Variants in RELN observed in about 807,000 individuals in gnomAD.
The protein encoded by RELN is reelin.
RELN carries 108 observed loss-of-function variants against 427.6 expected under a neutral mutation model. The observed-to-expected ratio is 0.25, with a 90% CI of 0.22 to 0.30. The LOEUF (loss-of-function observed/expected upper bound fraction) is 0.30. RELN is among the 10% of genes least tolerant of loss of function. The pLI is 1.00. For synonymous variants in RELN, 1,524 were observed against 1,513.4 expected, an observed-to-expected ratio of 1.01 and a Z score of -0.16; for missense variants, 3,715 against 4,302.8, an observed-to-expected ratio of 0.86 and a Z score of 3.82.
intron 53 of RELN, among the ~76,000 whole-genome samples, chr7:103,500,149 A>C (rs919646213): frequency 2.0e-5 from 3 of 152,198 alleles, no homozygotes; most frequent in African/African-American, 7.2e-5. Flanking sequence ...TTATTCACAG[A>C]AATAGAGTGC....
At position 103,611,819 on chromosome 7, in the gene RELN, A is replaced by G. The variant is rs763726020; in HGVS notation, c.2703-16T>C. On this transcript the variant is annotated splice_polypyrimidine_tract_variant and intron_variant, in intron 20 of 64. Transcript: ENST00000428762. ...TCCTGTAAAACTGAAAGAGACAGAGATGGAAATCAGAAAATTCTAAACACA... is the reference window on the plus strand; with the variant it reads ...TCCTGTAAAACTGAAAGAGACAGAGGTGGAAATCAGAAAATTCTAAACACA... The G allele has an allele frequency of 8.7e-6, 14 of 1,605,222 alleles. No individual in the cohort carries two copies. In the East Asian group the frequency reaches 2.9e-4, roughly 33 times the overall value.
At chr7:103,647,551 G>A (rs1832822783) in intron 16 of RELN, among the ~76,000 whole-genome samples, 1 of 147,090 alleles carries the variant, frequency 6.8e-6, no homozygotes, top group Non-Finnish European at 1.5e-5. Flanking sequence ...AAAAAAAACT[G>A]TAGGACAAAA....
intron 63 of RELN, among the ~76,000 whole-genome samples, chr7:103,479,027 T>A (rs1828136119): frequency 6.6e-6 from 1 of 152,204 alleles, no homozygotes; most frequent in African/African-American, 2.4e-5. Context: ...GTAAATGTGG[T>A]ATTAATTCAC....
intron 2 of RELN, among the ~76,000 whole-genome samples, chr7:103,857,542 C>T (rs1472432307): frequency 6.6e-6 from 1 of 152,228 alleles, no homozygotes; most frequent in Non-Finnish European, 1.5e-5. Flanking sequence ...ACGTAAGGGC[C>T]TGCCCAGAGA....
At chr7:103,522,826 C>A (rs371471574) in intron 47 of RELN, among the ~76,000 whole-genome samples, 1 of 56,838 alleles carries the variant, frequency 1.8e-5, no homozygotes, top group African/African-American at 3.8e-5. Flanking sequence ...CATAATCTCA[C>A]ACAGACACAC....
At chr7:103,980,322 G>A (rs1796965469) in intron 1 of RELN, among the ~76,000 whole-genome samples, 1 of 152,080 alleles carries the variant, frequency 6.6e-6, no homozygotes, top group Non-Finnish European at 1.5e-5. Context: ...ATTGCTTTGT[G>A]CTTTACCTGG....
At chr7:103,632,923 T>C (rs1832503101) in intron 19 of RELN, among the ~76,000 whole-genome samples, 1 of 152,102 alleles carries the variant, frequency 6.6e-6, no homozygotes, top group Non-Finnish European at 1.5e-5. Context: ...TTCATAGTAA[T>C]TTTAGAGTAA....
chr7:103,520,718 T>C (rs1305227987), intron 48 of RELN, among the ~76,000 whole-genome samples: 1 of 152,236 alleles, frequency 6.6e-6, no homozygotes, highest in Non-Finnish European at 1.5e-5. Context: ...TTAATGTTGA[T>C]ATACGGATTT....
intron 2 of RELN, among the ~76,000 whole-genome samples, chr7:103,887,850 T>C (rs1584334291): frequency 1.3e-5 from 2 of 152,044 alleles, no homozygotes; most frequent in African/African-American, 4.8e-5. Flanking sequence ...TCCATTTCCT[T>C]CCCTTTGACA....
intron 2 of RELN, among the ~76,000 whole-genome samples, chr7:103,864,895 C>A (rs1794158031): frequency 6.6e-6 from 1 of 151,574 alleles, no homozygotes; most frequent in South Asian, 2.1e-4. Flanking sequence ...CGGTAAGAGA[C>A]TATTATGAAC....
At position 103,496,746 on chromosome 7, in the gene RELN, A is replaced by G. The variant is rs375502019; in HGVS notation, c.8973T>C (p.His2991=). 15 of 1,611,196 alleles carry G rather than the reference A, an allele frequency of 9.3e-6. No homozygotes were observed. The highest frequency in any genetic ancestry group is 1.2e-5 in the Non-Finnish European group (14 of 1,177,464). ...AAATGTATTTCTGGTAATCCATCTC[A>G]TGGAGCAAAGTCCAGGTAATTCCTA... ...TDGGITWTLL[H]EMDYQKYISV... The change falls in exon 56 of 65, where the codon CAT becomes CAC. Residue 2991 remains histidine, a synonymous_variant. Transcript: ENST00000428762.
chr7:103,963,671 T>C (rs1461699230), intron 1 of RELN, among the ~76,000 whole-genome samples: 4 of 152,190 alleles, frequency 2.6e-5, no homozygotes, highest in African/African-American at 9.6e-5. Context: ...TGCACAGGTG[T>C]TAAATCATTC....
rs1398386443 is a variant in RELN, at chr7:103,500,670, G to A, written c.8667+75C>T. The A allele has an allele frequency of 4.8e-6, 7 of 1,444,164 alleles. No individual in the cohort carries two copies. The African/African-American group carries it at 8.4e-5, about 17-fold the overall frequency. 89.5% of individuals were successfully genotyped at this position (1,444,164 alleles called of 1,614,324 possible). ...CCCAAAGGACATTGTTATAGATTAT[G>A]TCTCATACATAAGTTGGTTCCTAGG... On this transcript the variant is annotated intron_variant, in intron 53 of 64. Transcript: ENST00000428762.
chr7:103,834,431 G>C lies in RELN; in HGVS notation c.338-759C>G, dbSNP rs180796966. On this transcript the variant is annotated intron_variant, in intron 2 of 64. Coordinates refer to ENST00000428762, the MANE Select transcript of RELN (RefSeq NM_005045.4). ...AACATCACAGTTGTAAAGTGGTCTT[G>C]TCTAATGTTGATGTTCTGTGACTTG... 3.1e-4 allele frequency among the ~76,000 whole-genome samples: 47 copies of C among 152,272 alleles called. 1 individual carries two copies. The highest frequency in any genetic ancestry group is 1.1e-3 in the African/African-American group (44 of 41,542).
chr7:103,689,710 A>G (rs1454298930), intron 10 of RELN, among the ~76,000 whole-genome samples: 1 of 152,116 alleles, frequency 6.6e-6, no homozygotes, highest in Non-Finnish European at 1.5e-5. Context: ...AAATAAAAAC[A>G]AAAAGCCCTG....
intron 1 of RELN, among the ~76,000 whole-genome samples, chr7:103,919,529 T>C (rs562883909): frequency 6.6e-6 from 1 of 152,280 alleles, no homozygotes; most frequent in South Asian, 2.1e-4. Context: ...AAGTTTCCTG[T>C]GACATCGGCC....
chr7:103,989,607 C>A lies in RELN; in HGVS notation c.-251G>T, dbSNP rs1216529773. The A allele has an allele frequency of 2.7e-6, 1 of 367,412 alleles. No individual in the cohort carries two copies. The highest frequency in any genetic ancestry group is 4.8e-5 in the Admixed American group (1 of 20,656). The allele number at this position is 367,412 out of a possible 1,614,324, so 22.8% of individuals were successfully genotyped here. On this transcript the variant is annotated 5_prime_UTR_variant, in exon 1 of 65. Coordinates refer to ENST00000428762, the MANE Select transcript of RELN (RefSeq NM_005045.4). This position sits in a 1 kb window ranked among gnomAD's most constrained non-coding sequence, Gnocchi z 4.9. Reference sequence around the variant, plus strand: ...CGGGCGCCGAGAGCGCGTCGTCTGCCGCCTCCGTGCGCCGCCGCCGCCTCT... The same window carrying A: ...CGGGCGCCGAGAGCGCGTCGTCTGCAGCCTCCGTGCGCCGCCGCCGCCTCT...
At chr7:103,698,902 ATTATT>A (rs1258540740) in intron 9 of RELN, among the ~76,000 whole-genome samples, 2 of 152,074 alleles carry the variant, frequency 1.3e-5, no homozygotes, top group African/African-American at 2.4e-5. Flanking sequence ...ATCAATCTAA[ATTATT>A]TTATTTCTAC....
intron 2 of RELN, among the ~76,000 whole-genome samples, chr7:103,878,240 A>C (rs576899485): frequency 6.6e-6 from 1 of 152,220 alleles, no homozygotes; most frequent in African/African-American, 2.4e-5. Flanking sequence ...GACTCAGCTG[A>C]GAAGAAACTC....
Sources: gnomAD v4.1 joint callset for allele counts (sites outside exome capture counted in the v4.1 genomes callset) on GRCh38, gnomAD v4.1.1 for gene constraint, Gnocchi (gnomAD v3.1) non-coding constraint, MANE v1.5 for transcripts, NCBI Gene and HGNC (gene_info 2026-07-23, HGNC 2026-07-21) for gene names.